MLIP: variants seen among roughly 807,000 people sequenced by gnomAD.
MLIP encodes the protein muscular LMNA interacting protein.
A neutral mutation model predicts 84.8 loss-of-function variants in MLIP; 79 were observed. The ratio of observed to expected loss-of-function variants is 0.93; its 90% CI spans 0.78 to 1.12. MLIP has a LOEUF of 1.12. Ranked by LOEUF, MLIP falls within the 50% of genes most tolerant of loss-of-function variation. The pLI is 0.00. For missense variants in MLIP, 1,257 were observed against 1,160.6 expected, an observed-to-expected ratio of 1.08 and a Z score of -1.21; for synonymous variants, 504 against 463.0, an observed-to-expected ratio of 1.09 and a Z score of -1.14.
intron 11 of MLIP, among the ~76,000 whole-genome samples, chr6:54,227,517 C>A (rs771717051): frequency 6.6e-6 from 1 of 152,116 alleles, no homozygotes; most frequent in Non-Finnish European, 1.5e-5. Flanking sequence ...TGAAGATATA[C>A]CCACGCCAAA....
intron 1 of MLIP, among the ~76,000 whole-genome samples, chr6:54,070,736 GT>G (rs1363784593): frequency 6.6e-6 from 1 of 151,926 alleles, no homozygotes; most frequent in Non-Finnish European, 1.5e-5. Context: ...TTAGCATATT[GT>G]TTTTTTATGT....
intron 9 of MLIP, among the ~76,000 whole-genome samples, chr6:54,174,490 TG>T (rs1383266872): frequency 4.6e-5 from 7 of 152,072 alleles, no homozygotes; most frequent in African/African-American, 1.7e-4. Flanking sequence ...AGCATTTATC[TG>T]ATGATCAATG....
At chr6:54,034,270 C>G (rs1043274999) in intron 1 of MLIP, among the ~76,000 whole-genome samples, 2 of 152,168 alleles carry the variant, frequency 1.3e-5, no homozygotes, top group Non-Finnish European at 2.9e-5. Context: ...CCCTGATAAT[C>G]ACTAATCTGC....
intron 11 of MLIP, among the ~76,000 whole-genome samples, chr6:54,210,000 AAATT>A (rs1183208032): frequency 5.3e-5 from 8 of 150,522 alleles, no homozygotes; most frequent in Non-Finnish European, 1.0e-4. Context: ...TGATTTAAAA[AAATT>A]AACTATACAG....
intron 11 of MLIP, chr6:54,215,445 A>G: frequency 8.5e-7 from 1 of 1,174,826 alleles, no homozygotes; most frequent in Non-Finnish European, 1.1e-6. Flanking sequence ...AATTTCTTTA[A>G]ATTTTTTCCA....
At chr6:54,173,660 A>G (rs751242360) in intron 9 of MLIP, among the ~76,000 whole-genome samples, 3 of 151,896 alleles carry the variant, frequency 2.0e-5, no homozygotes, top group Non-Finnish European at 4.4e-5. Context: ...AATGCAATGC[A>G]TAATAATTAC....
chr6:54,192,843 T>C (rs966196996), intron 10 of MLIP, among the ~76,000 whole-genome samples: 10 of 152,156 alleles, frequency 6.6e-5, no homozygotes, highest in Non-Finnish European at 1.2e-4. Flanking sequence ...ATAGTTAAAA[T>C]TATTTGACTC....
At chr6:54,036,137 A>T (rs576418626) in intron 1 of MLIP, among the ~76,000 whole-genome samples, 1 of 152,156 alleles carries the variant, frequency 6.6e-6, no homozygotes, top group South Asian at 2.1e-4. Context: ...CTCATCTATG[A>T]AATGAAGATA....
chr6:54,256,600 T>G (rs573408423), intron 12 of MLIP, among the ~76,000 whole-genome samples: 1 of 152,294 alleles, frequency 6.6e-6, no homozygotes, highest in South Asian at 2.1e-4. Flanking sequence ...TGTGTGTGTC[T>G]CTTAGGTTGT....
chr6:54,221,353 A>G (rs1255585695), intron 11 of MLIP, among the ~76,000 whole-genome samples: 1 of 152,082 alleles, frequency 6.6e-6, no homozygotes, highest in Non-Finnish European at 1.5e-5. Context: ...GAAAAAAAGA[A>G]CTCCAGAGTG....
chr6:54,158,509 A>C (rs912087694), intron 5 of MLIP, among the ~76,000 whole-genome samples: 3 of 152,138 alleles, frequency 2.0e-5, no homozygotes, highest in Non-Finnish European at 4.4e-5. Context: ...TTCTAGCTAT[A>C]GATTTTCAAA....
intron 12 of MLIP, among the ~76,000 whole-genome samples, chr6:54,252,194 A>ATATATTATAACATATAATATATAAC (rs1210263274): frequency 2.8e-5 from 3 of 107,462 alleles, no homozygotes; most frequent in Non-Finnish European, 4.9e-5. Context: ...TATAACTATA[A>ATATATTATAACATATAATATATAAC]TATATTATAA....
intron 1 of MLIP, chr6:54,059,018 A>C (rs534223820): frequency 6.6e-6 from 1 of 152,330 alleles, no homozygotes; most frequent in South Asian, 2.1e-4. Context: ...TAAATTCTAC[A>C]AGTCTATAAG....
intron 11 of MLIP, among the ~76,000 whole-genome samples, chr6:54,227,116 T>C (rs376458979): frequency 6.6e-6 from 1 of 152,184 alleles, no homozygotes; most frequent in East Asian, 1.9e-4. Context: ...TTAATATGTG[T>C]AGCAATTCCC....
At chr6:54,109,603 T>C (rs1769270574), upstream of MLIP, among the ~76,000 whole-genome samples, 1 of 152,050 alleles carries the variant, frequency 6.6e-6, no homozygotes, top group African/African-American at 2.4e-5. Flanking sequence ...ACCTTCATAG[T>C]TTCCCTTTCC....
intron 12 of MLIP, among the ~76,000 whole-genome samples, chr6:54,256,610 T>C (rs1783022204): frequency 6.6e-6 from 1 of 152,190 alleles, no homozygotes; most frequent in Non-Finnish European, 1.5e-5. Context: ...TCTTAGGTTG[T>C]CTCTTTCTTG....
intron 1 of MLIP, among the ~76,000 whole-genome samples, chr6:54,121,129 G>A (rs982363602): frequency 4.6e-5 from 7 of 152,108 alleles, no homozygotes; most frequent in Admixed American, 3.9e-4. Flanking sequence ...CAGATGATGA[G>A]TTTGTGATGA....
intron 1 of MLIP, chr6:54,019,172 T>G: frequency 6.9e-7 from 1 of 1,442,534 alleles, no homozygotes; most frequent in Non-Finnish European, 9.6e-7. Context: ...CTGGAAAAGT[T>G]GTGCTAGCCG....
chr6:54,034,712 T>C (rs1764330072), intron 1 of MLIP, among the ~76,000 whole-genome samples: 1 of 152,106 alleles, frequency 6.6e-6, no homozygotes, highest in Admixed American at 6.6e-5. Flanking sequence ...AAAATTAAAG[T>C]AAGCTAAGAT....
Sources: gnomAD v4.1 joint callset for allele counts (sites outside exome capture counted in the v4.1 genomes callset) on GRCh38, gnomAD v4.1.1 for gene constraint, MANE v1.5 for transcripts, NCBI Gene and HGNC (gene_info 2026-07-23, HGNC 2026-07-21) for gene names.